MACF1: variants seen among roughly 807,000 people sequenced by gnomAD.
MACF1 encodes the protein microtubule-actin cross-linking factor 1.
MACF1 carries 193 observed loss-of-function variants against 854.8 expected under a neutral mutation model. The ratio of observed to expected loss-of-function variants is 0.23; its 90% CI spans 0.20 to 0.25. The LOEUF (loss-of-function observed/expected upper bound fraction) is 0.25. Among genes scored for constraint, MACF1 ranks in the 10% least tolerant of loss-of-function variants. The pLI is 1.00. For synonymous variants in MACF1, 3,185 were observed against 3,226.7 expected, an observed-to-expected ratio of 0.99 and a Z score of 0.44; for missense variants, 7,722 against 8,929.1, an observed-to-expected ratio of 0.86 and a Z score of 5.45.
intron 2 of MACF1, among the ~76,000 whole-genome samples, chr1:39,146,063 A>G (rs1643456754): frequency 1.3e-5 from 2 of 152,366 alleles, no homozygotes; most frequent in African/African-American, 2.4e-5. Context: ...TTGAAGAGCT[A>G]TCTGGACTCA....
At chr1:39,356,702 G>C (rs1647610018) in intron 44 of MACF1, among the ~76,000 whole-genome samples, 1 of 152,126 alleles carries the variant, frequency 6.6e-6, no homozygotes, top group Non-Finnish European at 1.5e-5. Flanking sequence ...TCACATGTAT[G>C]ATTTATTCAG....
At chr1:39,156,313 A>T (rs1643685820) in intron 2 of MACF1, among the ~76,000 whole-genome samples, 1 of 152,136 alleles carries the variant, frequency 6.6e-6, no homozygotes, top group South Asian at 2.1e-4. Flanking sequence ...CTGGCCTATG[A>T]CTTAGTATTT....
intron 21 of MACF1, chr1:39,298,690 A>C (rs913779943): frequency 4.7e-6 from 2 of 424,318 alleles, no homozygotes; most frequent in African/African-American, 2.1e-5. Flanking sequence ...GTGGTTTTAC[A>C]TTCACCTGGG....
chr1:39,343,963 A>G (rs1004947982), intron 40 of MACF1, among the ~76,000 whole-genome samples: 2 of 152,002 alleles, frequency 1.3e-5, no homozygotes, highest in Non-Finnish European at 2.9e-5. Context: ...TAAAAATACA[A>G]AGTTAGCCAG....
At chr1:39,087,261 A>G (rs551290717) in intron 2 of MACF1, among the ~76,000 whole-genome samples, 1 of 152,320 alleles carries the variant, frequency 6.6e-6, no homozygotes, top group East Asian at 1.9e-4. Context: ...GATCTTGCTT[A>G]TGAAGCCAAG....
At chr1:39,149,930 T>C (rs1028432862) in intron 2 of MACF1, among the ~76,000 whole-genome samples, 4 of 152,230 alleles carry the variant, frequency 2.6e-5, no homozygotes, top group African/African-American at 4.8e-5. Flanking sequence ...GTATTTTTTT[T>C]CCATATCATT....
intron 31 of MACF1, 28 bp from the exon 32 acceptor site, chr1:39,322,580 A>T: frequency 6.5e-7 from 1 of 1,536,750 alleles, no homozygotes; most frequent in South Asian, 1.1e-5. Context: ...AACCCTGAGT[A>T]ACTGTAGCGA....
At chr1:39,235,747 C>CTG (rs1557535370) in intron 2 of MACF1, among the ~76,000 whole-genome samples, 1 of 152,162 alleles carries the variant, frequency 6.6e-6, no homozygotes, top group African/African-American at 2.4e-5. Context: ...TATTCTCTCT[C>CTG]TGTGTGTGTG....
intron 6 of MACF1, among the ~76,000 whole-genome samples, chr1:39,258,238 A>G (rs1645118381): frequency 6.6e-6 from 1 of 152,238 alleles, no homozygotes; most frequent in Non-Finnish European, 1.5e-5. Flanking sequence ...GCTTAATTAA[A>G]TGGAGGGATT....
In MACF1 at chr1:39,335,234, A is replaced by G; in HGVS notation, c.8646A>G (p.Ser2882=). Residue 2882 remains serine, a synonymous_variant, in exon 37 of 101, where the codon TCA becomes TCG. Transcript: ENST00000564288. The part of the protein sequence containing the change: ...NLKGKSLGQV[S]LTHPYSECDF... ...AAGGTAAATCCTTGGGCCAAGTGTC[A>G]TTGACACACCCTTACTCTGAATGTG... 2.5e-6 allele frequency: 4 copies of G among 1,614,094 alleles called. No individual in the cohort carries two copies. The highest frequency in any genetic ancestry group is 3.4e-6 in the Non-Finnish European group (4 of 1,179,960).
intron 53 of MACF1, among the ~76,000 whole-genome samples, 190 bp downstream of exon 53, chr1:39,378,713 A>G (rs1251141459): frequency 6.6e-6 from 1 of 152,204 alleles, no homozygotes; most frequent in East Asian, 1.9e-4. Context: ...CCCTGAAGCT[A>G]AAGGTATTGT....
At chr1:39,403,397 C>A (rs2148596326) in intron 58 of MACF1, among the ~76,000 whole-genome samples, 1 of 152,296 alleles carries the variant, frequency 6.6e-6, no homozygotes, top group Non-Finnish European at 1.5e-5. Flanking sequence ...CCACGCCTGG[C>A]CCAAATCTAT....
rs1319686864 is a variant in MACF1, at chr1:39,340,967, C to A, written c.10581+14C>A. On this transcript the variant is annotated intron_variant, in intron 40 of 100. Transcript: ENST00000564288. ...CAACAGTATGAGGTAAACTCAAGCA[C>A]ATTTTCTTTGTCCTTTGAGTTGTAT... 6.3e-7 allele frequency: 1 copy of A among 1,583,084 alleles called. No individual in the cohort carries two copies. Among genetic ancestry groups the A allele is most frequent in the Non-Finnish European group, 8.6e-7 (1 of 1,166,228 alleles).
intron 2 of MACF1, among the ~76,000 whole-genome samples, chr1:39,161,220 A>C (rs768891526): frequency 1.3e-5 from 2 of 152,168 alleles, no homozygotes; most frequent in Admixed American, 1.3e-4. Flanking sequence ...TGGGTATGAC[A>C]GGCTGAACTA....
chr1:39,183,785 G>A (rs1321877604), intron 2 of MACF1, among the ~76,000 whole-genome samples: 2 of 151,978 alleles, frequency 1.3e-5, no homozygotes, highest in Admixed American at 1.3e-4. Flanking sequence ...TTTTCCCCAG[G>A]CTATGTTTGA....
intron 6 of MACF1, chr1:39,268,593 A>G (rs1645263987): frequency 2.5e-6 from 3 of 1,187,346 alleles, no homozygotes; most frequent in South Asian, 3.2e-5. Flanking sequence ...GGCATAGTGC[A>G]TGTTTTTAAA....
At chr1:39,341,956 T>A (rs1646944532) in intron 40 of MACF1, among the ~76,000 whole-genome samples, 1 of 151,986 alleles carries the variant, frequency 6.6e-6, no homozygotes, top group Non-Finnish European at 1.5e-5. Flanking sequence ...ATAGGTAAAC[T>A]GCATGTCATG....
chr1:39,456,662 CTCT>C (rs1353755443), intron 89 of MACF1: 4 of 152,250 alleles, frequency 2.6e-5, no homozygotes, highest in East Asian at 1.9e-4. Context: ...CCTCTCTCTC[CTCT>C]ATGTCTTCAG....
At chr1:39,294,994 C>G in intron 18 of MACF1, 52 bp from the exon 19 acceptor site, 1 of 1,301,888 alleles carries the variant, frequency 7.7e-7, no homozygotes, top group Non-Finnish European at 1.1e-6. Context: ...TTATGCTATC[C>G]GCTCCCCACT....
Sources: allele counts gnomAD v4.1 joint callset (sites outside exome capture counted in the v4.1 genomes callset), GRCh38; gene constraint gnomAD v4.1.1; transcripts MANE v1.5; gene names NCBI Gene and HGNC (gene_info 2026-07-23, HGNC 2026-07-21).